Variants in UBA7 observed in about 807,000 individuals in gnomAD.
UBA7 encodes ubiquitin like modifier activating enzyme 7, also known as ubiquitin-like modifier-activating enzyme 7.
UBA7 carries 88 observed loss-of-function variants against 113.0 expected under a neutral mutation model. The ratio of observed to expected loss-of-function variants is 0.78; its 90% CI spans 0.66 to 0.93. The LOEUF is 0.93. UBA7 is among the 40% of genes least tolerant of loss of function. The pLI is 0.00. For synonymous variants in UBA7, 459 were observed against 513.0 expected (o/e 0.89, Z 1.42); for missense variants, 1,092 against 1,266.4 (o/e 0.86, Z 2.09).
At position 49,810,357 on chromosome 3, in the gene UBA7, G is replaced by A; in HGVS notation, c.1539C>T (p.Thr513=). Residue 513 remains threonine (T), a synonymous_variant, in exon 13 of 24, where the codon ACC becomes ACT. Transcript: ENST00000333486. The surrounding 1 kb of genome is among the most constrained non-coding windows in gnomAD (Gnocchi z 5.6). ...GCTCTGTGGTGGGATCCAGTGGGTAGGTGAGCGGGATCACCTGTAAGTCTG... is the reference window on the plus strand; with the variant it reads ...GCTCTGTGGTGGGATCCAGTGGGTAAGTGAGCGGGATCACCTGTAAGTCTG... The part of the protein sequence containing the change: ...LNPDLQVIPL[T]YPLDPTTEHI... The A allele has an allele frequency of 6.2e-7, 1 of 1,614,178 alleles. No homozygotes were observed. Among genetic ancestry groups the A allele is most frequent in the Non-Finnish European group, 8.5e-7 (1 of 1,180,026 alleles).
rs1041199902 is a variant in UBA7 at position 49,808,434 on chromosome 3, C to T, written c.2382G>A (p.Leu794=). The T allele has an allele frequency of 6.2e-7, 1 of 1,614,046 alleles. No homozygotes were observed. The highest frequency in any genetic ancestry group is 1.3e-5 in the African/African-American group (1 of 74,918). Residue 794 remains leucine, a synonymous_variant, in exon 19 of 24, where the codon CTG becomes CTA. Transcript: ENST00000333486. The part of the protein sequence containing the change: ...PEQQKELNKA[L]EVWSVGPPLK... Reference sequence around the variant, plus strand: ...GGGGAGGGCCCACACTCCAGACTTCCAGGGCTTTGTTCAGTTCCTTCTGCT... The same window carrying T: ...GGGGAGGGCCCACACTCCAGACTTCTAGGGCTTTGTTCAGTTCCTTCTGCT...
rs770145042 is a variant in UBA7, at chr3:49,810,692, TAGCC to T, written c.1312-24_1312-21del. 5.0e-6 allele frequency: 8 copies of T among 1,613,972 alleles called. No homozygotes were observed. The East Asian group carries it at 1.8e-4, about 36-fold the overall frequency. ...GCCCACCTGTTGGCAGGAACAGCCT[TAGCC>T]AGAGGGGCTGGGCTGGCTCTCCCAA... is the stretch of plus-strand genomic sequence containing the variant. On this transcript the variant is annotated intron_variant, in intron 11 of 23. Transcript: ENST00000333486. The surrounding 1 kb of genome is among the most constrained non-coding windows in gnomAD (Gnocchi z 5.6).
rs2081497844 is a variant in UBA7, at chr3:49,808,969, G to C, written c.2347+7C>G. Reference sequence around the variant, plus strand: ...ACAGCATGAGGGGCCAGGGCCAGGAGCCTCACCAAACTCAGCAGAAGCCGA... The same window carrying C: ...ACAGCATGAGGGGCCAGGGCCAGGACCCTCACCAAACTCAGCAGAAGCCGA... On this transcript the variant is annotated splice_region_variant and intron_variant, in intron 18 of 23. Transcript: ENST00000333486. 2 of 1,612,438 alleles carry C rather than the reference G, an allele frequency of 1.2e-6. No homozygotes were observed. Among genetic ancestry groups the C allele is most frequent in the African/African-American group, 2.7e-5 (2 of 74,940 alleles).
chr3:49,805,376 CCAA>C lies in UBA7; in HGVS notation c.2968_2970del (p.Leu990del), dbSNP rs751500032. 16 of 1,613,782 alleles carry C rather than the reference CCAA, an allele frequency of 9.9e-6. No individual in the cohort carries two copies. The highest frequency in any genetic ancestry group is 1.6e-4 in the Middle Eastern group (1 of 6,084). On this transcript the variant is annotated inframe_deletion, in exon 24 of 24. Transcript: ENST00000333486. Reference sequence around the variant, plus strand: ...TCACCCTCACAGCTCAGCTCTAGCACCAACACCCGCTGCCCAGGAGCAGGTGCC... The same window carrying C: ...TCACCCTCACAGCTCAGCTCTAGCACCACCCGCTGCCCAGGAGCAGGTGCC...
intron 9 of UBA7, 43 bp from the exon 10 acceptor site, chr3:49,811,134 A>G: frequency 6.2e-7 from 1 of 1,608,134 alleles, no homozygotes; most frequent in Non-Finnish European, 8.5e-7. Flanking sequence ...CCACCTCCTG[A>G]CCCCCCTCAG....
rs146053550 is a variant in UBA7, at chr3:49,805,838, T to C, written c.2909+59A>G. 1.4e-3 allele frequency: 2,091 copies of C among 1,476,740 alleles called. 10 individuals carry two copies. The highest frequency in any genetic ancestry group is 0.011 in the African/African-American group (772 of 71,618). The allele number at this position is 1,476,740 out of a possible 1,614,324, so 91.5% of individuals were successfully genotyped here. ...GCTGGGAAGACAAAAGGCAGTGTGG[T>C]CCCTAGCCCCAGCCTCCAGGGACTG... is the stretch of plus-strand genomic sequence containing the variant. On this transcript the variant is annotated intron_variant, in intron 23 of 23. Coordinates refer to ENST00000333486, the MANE Select transcript of UBA7 (RefSeq NM_003335.3).
chr3:49,809,757 T>C, intron 15 of UBA7, 32 bp from the exon 16 acceptor site: 1 of 1,614,010 alleles, frequency 6.2e-7, no homozygotes, highest in Non-Finnish European at 8.5e-7. Flanking sequence ...TGAGACTGAG[T>C]CCTGCAGACT....
At position 49,807,172 on chromosome 3, in the gene UBA7, G is replaced by A. The variant is rs1218930502; in HGVS notation, c.2715+564C>T. ...GCCCACATTGAGGACACAGGAAGAT[G>A]GGAGCCCTGCACTCCCATCTGATGC... On this transcript the variant is annotated intron_variant, in intron 21 of 23. Coordinates refer to ENST00000333486, the MANE Select transcript of UBA7 (RefSeq NM_003335.3). This position sits in a 1 kb window ranked among gnomAD's most constrained non-coding sequence, Gnocchi z 4.0. 6.6e-6 allele frequency among the ~76,000 whole-genome samples: 1 copy of A among 152,168 alleles called. No individual in the cohort carries two copies. The highest frequency in any genetic ancestry group is 1.5e-5 in the Non-Finnish European group (1 of 68,012).
At chr3:49,806,939 G>A (rs2081463027) in intron 21 of UBA7, among the ~76,000 whole-genome samples, 1 of 152,136 alleles carries the variant, frequency 6.6e-6, no homozygotes, top group African/African-American at 2.4e-5. Flanking sequence ...ACCCCAGGCT[G>A]CTCAGCAGAA....
intron 21 of UBA7, among the ~76,000 whole-genome samples, chr3:49,806,494 T>C (rs1245963240): frequency 6.6e-6 from 1 of 152,054 alleles, no homozygotes; most frequent in African/African-American, 2.4e-5. Context: ...AAGCTGCTTG[T>C]TCCTCAAAGA....
At chr3:49,808,173 T>G in intron 19 of UBA7, 61 bp from the exon 20 acceptor site, 1 of 1,588,418 alleles carries the variant, frequency 6.3e-7, no homozygotes, top group Non-Finnish European at 8.6e-7. Flanking sequence ...CGTGGCCCAC[T>G]GCGTGTCACT....
At position 49,810,180 on chromosome 3, in the gene UBA7, C is replaced by T. The variant is rs781015011; in HGVS notation, c.1637G>A (p.Arg546His). The change falls in exon 14 of 24, where the codon CGC becomes CAC. Residue 546 changes from arginine to histidine, a missense_variant. Physicochemically the swap from Arg to His is conservative, Grantham distance 29. This residue lies in a region of UBA7 where 584 missense variants were observed against 714.5 expected (regional missense o/e 0.82). Coordinates refer to ENST00000333486, the MANE Select transcript of UBA7 (RefSeq NM_003335.3). This position sits in a 1 kb window ranked among gnomAD's most constrained non-coding sequence, Gnocchi z 5.6. ...GTGGGTGCAACGAGCAGCCACATAGCGCCCTGGCAAGGGAGCAGTGGGTCA... is the reference window on the plus strand; with the variant it reads ...GTGGGTGCAACGAGCAGCCACATAGTGCCCTGGCAAGGGAGCAGTGGGTCA... The part of the protein sequence containing the change: ...AAALDSFQAR[R>H]YVAARCTHYL... 1.6e-5 allele frequency: 25 copies of T among 1,612,874 alleles called. No homozygotes were observed. The highest frequency in any genetic ancestry group is 1.6e-4 in the Middle Eastern group (1 of 6,082).
rs1342037693 is a variant in UBA7, at chr3:49,807,767, CGGATGAGG to C, written c.2676_2683del (p.Tyr892Ter). 1 of 1,612,596 alleles carries C rather than the reference CGGATGAGG, an allele frequency of 6.2e-7. No individual in the cohort carries two copies. The highest frequency in any genetic ancestry group is 1.7e-5 in the Admixed American group (1 of 59,864). ...GATGGCTGGGGCAAAAGGCATATAGCGGATGAGGTAGTTTTCAGCCAGATGTAGGTAGC... is the reference window on the plus strand; with the variant it reads ...GATGGCTGGGGCAAAAGGCATATAGCTAGTTTTCAGCCAGATGTAGGTAGC... On this transcript the variant is annotated stop_gained and frameshift_variant, in exon 21 of 24. Transcript: ENST00000333486. LOFTEE classifies it high-confidence loss of function. The surrounding 1 kb of genome is among the most constrained non-coding windows in gnomAD (Gnocchi z 4.0).
intron 18 of UBA7, 49 bp from the exon 19 acceptor site, chr3:49,808,517 A>G (rs1376141175): frequency 1.3e-6 from 2 of 1,588,716 alleles, no homozygotes; most frequent in East Asian, 2.2e-5. Flanking sequence ...TGTCTCCTGC[A>G]CTCTTCTTGG....
chr3:49,811,842 TG>T (rs1575377701), intron 8 of UBA7, 27 bp downstream of exon 8: 1 of 1,610,042 alleles, frequency 6.2e-7, no homozygotes, highest in East Asian at 2.2e-5. Flanking sequence ...TGACAGAGGC[TG>T]GGGGTGGGAG....
chr3:49,810,375 T>C lies in UBA7; in HGVS notation c.1521A>G (p.Leu507=), dbSNP rs2081523927. ...GTGGGTAGGTGAGCGGGATCACCTG[T>C]AAGTCTGGGTTCAGGCCCCGGGCAG... ...AAAARGLNPD[L]QVIPLTYPLD... is the part of the protein sequence containing the mutation. The change falls in exon 13 of 24, where the codon TTA becomes TTG. Residue 507 remains leucine (L), a synonymous_variant. Transcript: ENST00000333486. This position sits in a 1 kb window ranked among gnomAD's most constrained non-coding sequence, Gnocchi z 5.6. The C allele has an allele frequency of 6.2e-7, 1 of 1,614,116 alleles. No individual in the cohort carries two copies. Among genetic ancestry groups the C allele is most frequent in the Non-Finnish European group, 8.5e-7 (1 of 1,180,012 alleles).
At chr3:49,812,916 GC>G in intron 4 of UBA7, 145 bp downstream of exon 4, 1 of 1,159,218 alleles carries the variant, frequency 8.6e-7, no homozygotes, top group Non-Finnish European at 1.2e-6. Context: ...GAACCAGAGG[GC>G]AGGACTGGGG....
rs1182258975 is a variant in UBA7 at position 49,810,557 on chromosome 3, T to C, written c.1427A>G (p.Asn476Ser). The change falls in exon 12 of 24, where the codon AAT becomes AGT. Residue 476 changes from asparagine (N) to serine (S), a missense_variant. Physicochemically the swap from Asn to Ser is conservative, Grantham distance 46. Coordinates refer to ENST00000333486, the MANE Select transcript of UBA7 (RefSeq NM_003335.3). The surrounding 1 kb of genome is among the most constrained non-coding windows in gnomAD (Gnocchi z 5.6). ...VVDMDHIERS[N>S]LSRQFLFRSQ... ...CCTGAAGAGGAACTGACGGCTGAGATTGGAGCGCTCTATGTGGTCCATGTC... is the reference window on the plus strand; with the variant it reads ...CCTGAAGAGGAACTGACGGCTGAGACTGGAGCGCTCTATGTGGTCCATGTC... 6.2e-7 allele frequency: 1 copy of C among 1,614,074 alleles called. No individual in the cohort carries two copies. Among genetic ancestry groups the C allele is most frequent in the Non-Finnish European group, 8.5e-7 (1 of 1,180,004 alleles).
In UBA7 at chr3:49,805,248, T is replaced by C. The variant is rs2081427568; in HGVS notation, c.*60A>G. Reference sequence around the variant, plus strand: ...ATTTATTGAGTGCCTACTGTGGGCTTACAATGCAGGGCTTGGGATCCGGGG... The same window carrying C: ...ATTTATTGAGTGCCTACTGTGGGCTCACAATGCAGGGCTTGGGATCCGGGG... On this transcript the variant is annotated 3_prime_UTR_variant, in exon 24 of 24. Coordinates refer to ENST00000333486, the MANE Select transcript of UBA7 (RefSeq NM_003335.3). 1 of 1,544,536 alleles carries C rather than the reference T, an allele frequency of 6.5e-7. No homozygotes were observed. The highest frequency in any genetic ancestry group is 1.8e-5 in the Admixed American group (1 of 56,356).
Sources: gnomAD v4.1 joint callset for allele counts (sites outside exome capture counted in the v4.1 genomes callset) on GRCh38, gnomAD v4.1.1 for gene constraint, gnomAD v4.1.1 regional missense constraint, Gnocchi (gnomAD v3.1) non-coding constraint, MANE v1.5 for transcripts, NCBI Gene and HGNC (gene_info 2026-07-23, HGNC 2026-07-21) for gene names.